Variants in CACNA2D1 observed in about 807,000 individuals in gnomAD.
CACNA2D1 encodes the protein voltage-dependent calcium channel subunit alpha-2/delta-1.
CACNA2D1 carries 53 observed loss-of-function variants against 171.5 expected under a neutral mutation model. The observed-to-expected ratio is 0.31, with a 90% CI of 0.25 to 0.39. The LOEUF is 0.39. CACNA2D1 is among the 10% of genes least tolerant of loss of function. The pLI is 1.00. For missense variants in CACNA2D1, 903 were observed against 1,299.8 expected, an observed-to-expected ratio of 0.69 and a Z score of 4.69; for synonymous variants, 442 against 443.1, an observed-to-expected ratio of 1.00 and a Z score of 0.03.
Position 82,001,382 on chromosome 7 carries a change from T to A in CACNA2D1, c.1590+4041A>T, listed in dbSNP as rs530796744. 1.1e-4 allele frequency among the ~76,000 whole-genome samples: 17 copies of A among 152,348 alleles called. No individual in the cohort carries two copies. The South Asian group carries it at 3.5e-3, about 32-fold the overall frequency. ...AATTTTACAATTTTAATAACAAATT[T>A]ATTTTTAGAAGCCATCTCGTTATGA... On this transcript the variant is annotated intron_variant, in intron 18 of 38. Coordinates refer to ENST00000356860, the MANE Select transcript of CACNA2D1 (RefSeq NM_000722.4).
chr7:82,060,165 A>ATATAATATATATATAATATTATATT, intron 10 of CACNA2D1, among the ~76,000 whole-genome samples: 2 of 22,232 alleles, frequency 9.0e-5, no homozygotes, highest in African/African-American at 1.7e-4. Flanking sequence ...ATATATATAT[A>ATATAATATATATATAATATTATATT]ATATATATAT....
chr7:82,340,440 G>C (rs1818491802), intron 2 of CACNA2D1, among the ~76,000 whole-genome samples: 1 of 151,212 alleles, frequency 6.6e-6, no homozygotes, highest in Non-Finnish European at 1.5e-5. Context: ...CAAAGCGCTG[G>C]GATTACAGGC....
intron 3 of CACNA2D1, among the ~76,000 whole-genome samples, chr7:82,199,214 T>C (rs1799165037): frequency 6.6e-6 from 1 of 152,156 alleles, no homozygotes; most frequent in African/African-American, 2.4e-5. Context: ...ACTGAGTTAA[T>C]TACATATTGA....
chr7:82,012,339 G>T (rs1799890777), intron 14 of CACNA2D1, 96 bp from the exon 15 acceptor site: 3 of 723,534 alleles, frequency 4.1e-6, no homozygotes, highest in Non-Finnish European at 7.3e-6. Flanking sequence ...AGTTAAAAAT[G>T]AATATAGAAT....
chr7:82,332,091 T>C (rs971008666), intron 3 of CACNA2D1, among the ~76,000 whole-genome samples: 1 of 152,152 alleles, frequency 6.6e-6, no homozygotes, highest in East Asian at 1.9e-4. Context: ...GACGGAGTCT[T>C]GCTCTTTCGC....
At chr7:82,108,932 T>A (rs1788064096) in intron 6 of CACNA2D1, among the ~76,000 whole-genome samples, 1 of 152,188 alleles carries the variant, frequency 6.6e-6, no homozygotes, top group Non-Finnish European at 1.5e-5. Context: ...CAATGTTAAT[T>A]ATGTAAGCTA....
chr7:82,443,136 C>A (rs983564942), intron 1 of CACNA2D1, among the ~76,000 whole-genome samples: 1 of 152,088 alleles, frequency 6.6e-6, no homozygotes, highest in Admixed American at 6.5e-5. Flanking sequence ...GGACAGTCGG[C>A]CCCCAGTGCC....
chr7:82,394,909 G>A (rs957084390), intron 1 of CACNA2D1, among the ~76,000 whole-genome samples: 4 of 151,598 alleles, frequency 2.6e-5, no homozygotes, highest in Non-Finnish European at 4.4e-5. Flanking sequence ...CCCAGATGGA[G>A]GGCCTTTCTC....
At chr7:81,980,374 A>G (rs1398494420) in intron 24 of CACNA2D1, among the ~76,000 whole-genome samples, 3 of 152,030 alleles carry the variant, frequency 2.0e-5, no homozygotes, top group African/African-American at 7.2e-5. Flanking sequence ...AAGACATTCC[A>G]GAAACAAATA....
chr7:82,074,376 C>T (rs1007715259), intron 7 of CACNA2D1, among the ~76,000 whole-genome samples: 11 of 151,916 alleles, frequency 7.2e-5, no homozygotes, highest in African/African-American at 2.4e-4. Flanking sequence ...TACAGGTGCC[C>T]GCCATTACGC....
Position 82,374,173 on chromosome 7 carries a change from A to G in CACNA2D1, c.96-24524T>C, listed in dbSNP as rs924446556. ...GTAAATGTTTTAAGGTCAGAAGAACACAATGCCTGTCAAAGTGTTTCATGT... is the reference window on the plus strand; with the variant it reads ...GTAAATGTTTTAAGGTCAGAAGAACGCAATGCCTGTCAAAGTGTTTCATGT... On this transcript the variant is annotated intron_variant, in intron 1 of 38. Coordinates refer to ENST00000356860, the MANE Select transcript of CACNA2D1 (RefSeq NM_000722.4). Among the ~76,000 whole-genome samples the G allele has an allele frequency of 1.3e-5, 2 of 152,220 alleles. 1 individual carries two copies. Among genetic ancestry groups the G allele is most frequent in the Admixed American group, 1.3e-4 (2 of 15,284 alleles).
intron 6 of CACNA2D1, among the ~76,000 whole-genome samples, chr7:82,085,986 C>CA (rs1027261345): frequency 6.6e-6 from 1 of 151,794 alleles, no homozygotes; most frequent in African/African-American, 2.4e-5. Flanking sequence ...TCCCTTTACA[C>CA]AAAAAAAGGC....
At chr7:82,441,945 T>G (rs1376975847) in intron 1 of CACNA2D1, among the ~76,000 whole-genome samples, 1 of 152,206 alleles carries the variant, frequency 6.6e-6, no homozygotes, top group Non-Finnish European at 1.5e-5. Context: ...TTACTCTTTT[T>G]ATGTTTAAAA....
rs1211049966 is a variant in CACNA2D1, at chr7:82,393,130, G to A, written c.96-43481C>T. Reference sequence around the variant, plus strand: ...GGCAGGCAGGGAGGGAGGGAGGGAGGCAGGCAGGAAGGGAGGGAGGCAGGC... The same window carrying A: ...GGCAGGCAGGGAGGGAGGGAGGGAGACAGGCAGGAAGGGAGGGAGGCAGGC... On this transcript the variant is annotated intron_variant, in intron 1 of 38. Coordinates refer to ENST00000356860, the MANE Select transcript of CACNA2D1 (RefSeq NM_000722.4). Among the ~76,000 whole-genome samples the A allele has an allele frequency of 2.2e-5, 3 of 139,490 alleles. No individual in the cohort carries two copies. The East Asian group carries it at 7.1e-4, about 33-fold the overall frequency. The allele number at this position is 139,490 out of a possible 152,430, so 91.5% of individuals were successfully genotyped here.
chr7:82,411,388 A>G (rs1425728126), intron 1 of CACNA2D1, among the ~76,000 whole-genome samples: 2 of 152,148 alleles, frequency 1.3e-5, no homozygotes, highest in Non-Finnish European at 2.9e-5. Flanking sequence ...AAAATAACAT[A>G]TTTCCCTGTT....
chr7:82,114,256 C>A (rs1430797411), intron 6 of CACNA2D1, among the ~76,000 whole-genome samples: 1 of 152,050 alleles, frequency 6.6e-6, no homozygotes, highest in Non-Finnish European at 1.5e-5. Context: ...TTCTAGCATA[C>A]AACAGATGGA....
intron 38 of CACNA2D1, among the ~76,000 whole-genome samples, chr7:81,958,065 C>T (rs1035525253): frequency 6.6e-6 from 1 of 151,652 alleles, no homozygotes. Flanking sequence ...GACAGAATAA[C>T]AGGAGTCCGC....
chr7:82,323,493 G>A (rs1320306247), intron 3 of CACNA2D1, among the ~76,000 whole-genome samples: 1 of 152,182 alleles, frequency 6.6e-6, no homozygotes, highest in Admixed American at 6.5e-5. Context: ...TTTGGTGGGT[G>A]TGAGACCTGT....
Position 81,978,750 on chromosome 7 carries a change from A to AGTGT in CACNA2D1, c.1955+3813_1955+3816dup, listed in dbSNP as rs541384324. Among the ~76,000 whole-genome samples the AGTGT allele has an allele frequency of 5.6e-4, 43 of 76,928 alleles. No homozygotes were observed. The East Asian group carries it at 5.7e-3, about 10-fold the overall frequency. 50.5% of individuals were successfully genotyped at this position (76,928 alleles called of 152,430 possible). ...AAGTTAAAGTAAATTTTTTTTAAAA[A>AGTGT]GTGTATATATATATATATATACACA... On this transcript the variant is annotated intron_variant, in intron 24 of 38. Coordinates refer to ENST00000356860, the MANE Select transcript of CACNA2D1 (RefSeq NM_000722.4).
Sources: allele counts gnomAD v4.1 joint callset (sites outside exome capture counted in the v4.1 genomes callset), GRCh38; gene constraint gnomAD v4.1.1; transcripts MANE v1.5; gene names NCBI Gene and HGNC (gene_info 2026-07-23, HGNC 2026-07-21).